HPSE2: variants seen among roughly 807,000 people sequenced by gnomAD.
HPSE2 encodes the protein heparanase 2 (inactive), also known as inactive heparanase-2.
Under a neutral mutation model 60.5 loss-of-function variants are expected in HPSE2, and 38 were observed. The observed-to-expected ratio is 0.63, with a 90% confidence interval of 0.48 to 0.82. The LOEUF is 0.82. Among genes scored for constraint, HPSE2 ranks in the 40% least tolerant of loss-of-function variants. HPSE2 has a pLI of 0.00. For missense variants in HPSE2, 713 were observed against 740.4 expected (o/e 0.96, Z 0.43); for synonymous variants, 295 against 293.2 (o/e 1.01, Z -0.06).
chr10:99,263,223 A>T, the HPSE2 span, among the ~76,000 whole-genome samples: 1 of 152,118 alleles, frequency 6.6e-6, no homozygotes, highest in Admixed American at 6.5e-5. Context: ...ATCGCCACTC[A>T]CCAGCAAAGG....
chr10:99,134,569 CA>C (rs1845570098), intron 3 of HPSE2, among the ~76,000 whole-genome samples: 1 of 152,218 alleles, frequency 6.6e-6, no homozygotes, highest in Non-Finnish European at 1.5e-5. Flanking sequence ...CAATATTCAA[CA>C]TTCTTAAAGA....
intron 3 of HPSE2, chr10:99,013,466 T>C (rs957400042): frequency 6.9e-6 from 3 of 434,788 alleles, no homozygotes; most frequent in African/African-American, 6.4e-5. Context: ...TATATTATTA[T>C]GATTATGATT....
At chr10:98,545,805 C>A (rs1943651637) in intron 9 of HPSE2, among the ~76,000 whole-genome samples, 1 of 150,886 alleles carries the variant, frequency 6.6e-6, no homozygotes, top group South Asian at 2.1e-4. Flanking sequence ...CTGGCCAGGG[C>A]AATTAGGCAG....
chr10:99,014,975 G>GA (rs1161005791), intron 3 of HPSE2, among the ~76,000 whole-genome samples: 1 of 151,946 alleles, frequency 6.6e-6, no homozygotes, highest in Non-Finnish European at 1.5e-5. Context: ...AAATTTACAA[G>GA]AAAAAAACAA....
intron 3 of HPSE2, among the ~76,000 whole-genome samples, chr10:98,836,491 C>T (rs1179951785): frequency 6.6e-6 from 1 of 152,054 alleles, no homozygotes; most frequent in Non-Finnish European, 1.5e-5. Context: ...AAAGCAATTA[C>T]ATCATGAATC....
intron 3 of HPSE2, among the ~76,000 whole-genome samples, chr10:99,064,413 G>A (rs1842546173): frequency 6.6e-6 from 1 of 152,030 alleles, no homozygotes; most frequent in Non-Finnish European, 1.5e-5. Context: ...AGCAGTGTAA[G>A]TTACTGGCCA....
intron 3 of HPSE2, among the ~76,000 whole-genome samples, chr10:98,893,772 C>T (rs1953405225): frequency 2.0e-5 from 3 of 152,000 alleles, no homozygotes; most frequent in Admixed American, 2.0e-4. Context: ...CCTGGAGACC[C>T]TGAGTGGTAT....
rs368701690 is a variant in HPSE2 at position 98,649,577 on chromosome 10, C to G, written c.1005-7637G>C. On this transcript the variant is annotated intron_variant, in intron 6 of 11. Transcript: ENST00000370552. ...CTGCCTTTAGTCTTGCTTACTTCAA[C>G]CAAATCTAAACAATATTGAACTAAG... 7.9e-5 allele frequency among the ~76,000 whole-genome samples: 12 copies of G among 152,222 alleles called. 1 individual carries two copies. The South Asian group carries it at 2.5e-3, about 32-fold the overall frequency.
At chr10:98,653,701 C>T (rs1298179706) in intron 6 of HPSE2, among the ~76,000 whole-genome samples, 3 of 151,778 alleles carry the variant, frequency 2.0e-5, no homozygotes, top group Non-Finnish European at 4.4e-5. Context: ...TAACCCAGTA[C>T]ATTGTGGCTA....
chr10:98,710,913 A>G (rs1168376652), intron 5 of HPSE2, among the ~76,000 whole-genome samples: 1 of 152,090 alleles, frequency 6.6e-6, no homozygotes, highest in East Asian at 1.9e-4. Context: ...CCTGTTTACT[A>G]AAACTGGCAC....
At chr10:99,215,392 C>T (rs1849085612) in intron 2 of HPSE2, among the ~76,000 whole-genome samples, 1 of 152,162 alleles carries the variant, frequency 6.6e-6, no homozygotes, top group African/African-American at 2.4e-5. Flanking sequence ...TGTTCTCACT[C>T]ATAAGTGGGA....
At chr10:98,635,732 T>C (rs1234140187) in intron 7 of HPSE2, among the ~76,000 whole-genome samples, 1 of 145,026 alleles carries the variant, frequency 6.9e-6, no homozygotes, top group Non-Finnish European at 1.5e-5. Flanking sequence ...CAGTGAGCTA[T>C]AATTGCATTA....
chr10:99,103,818 G>T (rs1042349958), intron 3 of HPSE2, among the ~76,000 whole-genome samples: 1 of 152,170 alleles, frequency 6.6e-6, no homozygotes, highest in African/African-American at 2.4e-5. Flanking sequence ...AGAGGCCTCA[G>T]AAATAACACC....
chr10:98,461,873 T>C, intron 11 of HPSE2: 1 of 1,282,882 alleles, frequency 7.8e-7, no homozygotes, highest in Non-Finnish European at 1.1e-6. Flanking sequence ...TCTATACTAA[T>C]AAGGAGTAGT....
chr10:98,742,978 T>A (rs113309150), intron 4 of HPSE2, among the ~76,000 whole-genome samples: 8 of 134,222 alleles, frequency 6.0e-5, no homozygotes, highest in African/African-American at 5.9e-5. Context: ...TCTTTTCTTT[T>A]TTTTTTTTTT....
At chr10:98,932,871 T>G (rs1388513328) in intron 3 of HPSE2, among the ~76,000 whole-genome samples, 1 of 143,940 alleles carries the variant, frequency 6.9e-6, no homozygotes, top group Non-Finnish European at 1.5e-5. Context: ...CTCTCTTTTC[T>G]TCTCTATTAG....
At chr10:98,547,842 C>T (rs1589403689) in intron 9 of HPSE2, among the ~76,000 whole-genome samples, 1 of 151,658 alleles carries the variant, frequency 6.6e-6, no homozygotes, top group Non-Finnish European at 1.5e-5. Context: ...AACACACACA[C>T]ACACACACAC....
the HPSE2 span, among the ~76,000 whole-genome samples, chr10:99,284,113 T>A: frequency 6.6e-6 from 1 of 152,168 alleles, no homozygotes; most frequent in Non-Finnish European, 1.5e-5. Flanking sequence ...TGAACATAGA[T>A]GTTAATAATC....
intron 2 of HPSE2, among the ~76,000 whole-genome samples, chr10:99,224,163 G>A (rs1219401450): frequency 6.6e-6 from 1 of 151,958 alleles, no homozygotes; most frequent in African/African-American, 2.4e-5. Context: ...TTATTGAATT[G>A]AGCAAAATTA....
Sources: allele counts gnomAD v4.1 joint callset (sites outside exome capture counted in the v4.1 genomes callset), GRCh38; gene constraint gnomAD v4.1.1; transcripts MANE v1.5; gene names NCBI Gene and HGNC (gene_info 2026-07-23, HGNC 2026-07-21).